The following SCRIB variants were observed in gnomAD, a reference collection of about 807,000 sequenced individuals.
SCRIB encodes scribble planar cell polarity protein, also known as protein scribble homolog.
SCRIB carries 72 observed loss-of-function variants against 170.0 expected under a neutral mutation model. The ratio of observed to expected loss-of-function variants is 0.42; its 90% confidence interval spans 0.35 to 0.52. The LOEUF (loss-of-function observed/expected upper bound fraction) is 0.52. SCRIB is among the 20% of genes least tolerant of loss of function. The probability of loss-of-function intolerance (pLI) is 0.02; values close to 1 mark genes in which losing one functional copy is unlikely to be tolerated. For synonymous variants in SCRIB, 1,298 were observed against 1,044.3 expected (o/e 1.24, Z -4.68); for missense variants, 2,475 against 2,338.5 (o/e 1.06, Z -1.20).
Position 143,791,828 on chromosome 8 carries a change from C to T in SCRIB, c.4695+48G>A, listed in dbSNP as rs548529206. The T allele has an allele frequency of 1.9e-5, 29 of 1,506,006 alleles. 1 individual carries two copies. The highest frequency in any genetic ancestry group is 5.0e-5 in the African/African-American group (3 of 60,282). The allele number at this position is 1,506,006 out of a possible 1,614,324, so 93.3% of individuals were successfully genotyped here. A position where few individuals can be genotyped will look rare whatever the true frequency, so the allele number is the denominator to read the frequency against. Reference sequence around the variant, plus strand: ...GGGGGTGGGGGCAGGCCAGACCCCACCCCCATGCCTCGGGGGTGAAGGGAA... The same window carrying T: ...GGGGGTGGGGGCAGGCCAGACCCCATCCCCATGCCTCGGGGGTGAAGGGAA... On this transcript the variant is annotated intron_variant, in intron 34 of 36. Transcript: ENST00000356994.
intron 24 of SCRIB, among the ~76,000 whole-genome samples, chr8:143,799,936 G>T (rs989880651): frequency 2.0e-5 from 3 of 152,216 alleles, no homozygotes; most frequent in African/African-American, 7.2e-5. Flanking sequence ...AGAACCCAGT[G>T]GGCAAACCGA....
In SCRIB at chr8:143,804,806, G is replaced by A; in HGVS notation, c.2771C>T (p.Thr924Ile). The A allele has an allele frequency of 6.3e-7, 1 of 1,593,458 alleles. No homozygotes were observed. The highest frequency in any genetic ancestry group is 2.3e-5 in the East Asian group (1 of 44,342). The stretch of plus-strand genomic sequence containing the variant: ...GACGGCGTGGTCATGCCTGGCCTCA[G>A]TCACGTCCACTCCATTAATCTGTGA... ...RVLSINGVDV[T>I]EARHDHAVSL... The change falls in exon 21 of 37, where the codon ACT becomes ATT. Residue 924 changes from threonine to isoleucine, a missense_variant. Thr to Ile is a moderately conservative substitution (Grantham distance 89). Around this residue, in one of 3 missense-constraint regions of SCRIB, gnomAD observed 1,966 missense variants for 1,742.9 expected, o/e 1.13. Transcript: ENST00000356994.
At chr8:143,800,372 G>C (rs574707364) in intron 24 of SCRIB, among the ~76,000 whole-genome samples, 6 of 152,316 alleles carry the variant, frequency 3.9e-5, no homozygotes, top group African/African-American at 1.4e-4. Context: ...AGTACAAGAT[G>C]AAAGTCCCTC....
At position 143,815,766 on chromosome 8, in the gene SCRIB, C is replaced by T. The variant is rs1816072390; in HGVS notation, c.-394G>A. On this transcript the variant is annotated 5_prime_UTR_variant, in exon 1 of 37. Coordinates refer to ENST00000356994, the MANE Select transcript of SCRIB (RefSeq NM_182706.5). ...GGCCGCCGCGCAGCCCGTCGGGAAG[C>T]CGAGTCCGGCCCTCGCCGCCTAGCA... The T allele has an allele frequency of 1.0e-6, 1 of 984,268 alleles. No homozygotes were observed. Among genetic ancestry groups the T allele is most frequent in the African/African-American group, 1.8e-5 (1 of 57,080 alleles). The allele number at this position is 984,268 out of a possible 1,614,324, so 61.0% of individuals were successfully genotyped here.
intron 20 of SCRIB, 27 bp from the exon 21 acceptor site, chr8:143,804,852 G>A (rs1554635998): frequency 7.6e-7 from 1 of 1,308,060 alleles, no homozygotes; most frequent in Non-Finnish European, 1.0e-6. Flanking sequence ...GAATCAGGGA[G>A]GCCCAAGGGC....
In SCRIB at chr8:143,792,301, G is replaced by A; in HGVS notation, c.4433C>T (p.Pro1478Leu). 1 of 1,559,214 alleles carries A rather than the reference G, an allele frequency of 6.4e-7. No individual in the cohort carries two copies. Among genetic ancestry groups the A allele is most frequent in the African/African-American group, 1.4e-5 (1 of 74,022 alleles). Residue 1478 changes from proline to leucine, a missense_variant, in exon 32 of 37, where the codon CCA becomes CTA. Pro to Leu is a moderately conservative substitution (Grantham distance 98, BLOSUM62 -3). Coordinates refer to ENST00000356994, the MANE Select transcript of SCRIB (RefSeq NM_182706.5). The stretch of plus-strand genomic sequence containing the variant: ...GGACAGGGCACGCTCGGGTGCCGGT[G>A]GCTCCGGACTCTGCACGCGCAGCCG... The part of the protein sequence containing the change: ...QERLRVQSPE[P>L]PAPERALSPA...
Position 143,812,268 on chromosome 8 carries a change from T to C in SCRIB, c.904A>G (p.Met302Val), listed in dbSNP as rs779628360. The change falls in exon 9 of 37, where the codon ATG becomes GTG. Residue 302 changes from methionine (M) to valine (V), a missense_variant and splice_region_variant. By Grantham distance (21) the Met-to-Val change is conservative (BLOSUM62 1). Around this residue, in one of 3 missense-constraint regions of SCRIB, gnomAD observed 487 missense variants for 558.1 expected, o/e 0.87. Coordinates refer to ENST00000356994, the MANE Select transcript of SCRIB (RefSeq NM_182706.5). ...CTGCCTCCCAAGCCAGACCCTACCATCAGCAGGTTCTCCGTGAGGATCAGC... is the reference window on the plus strand; with the variant it reads ...CTGCCTCCCAAGCCAGACCCTACCACCAGCAGGTTCTCCGTGAGGATCAGC... The part of the protein sequence containing the change: ...SELILTENLL[M>V]ALPRSLGKLT... 38 of 1,596,218 alleles carry C rather than the reference T, an allele frequency of 2.4e-5. 1 individual carries two copies. In the East Asian group the frequency reaches 2.5e-4, roughly 10 times the overall value.
intron 27 of SCRIB, chr8:143,794,315 G>C (rs1311926197): frequency 1.0e-5 from 3 of 295,008 alleles, no homozygotes; most frequent in Admixed American, 8.8e-5. Flanking sequence ...GTGGTGTGCA[G>C]CCCTCAGGGC....
rs575057956 is a variant in SCRIB at position 143,809,789 on chromosome 8, C to T, written c.1531-71G>A. On this transcript the variant is annotated intron_variant, in intron 13 of 36. Coordinates refer to ENST00000356994, the MANE Select transcript of SCRIB (RefSeq NM_182706.5). ...CAGGCTGGCCACCTGGGATGCCCCC[C>T]ACGTGGCAGGCCTTCCCTGAGCTTC... 1.5e-5 allele frequency: 24 copies of T among 1,549,628 alleles called. 1 individual carries two copies. The highest frequency in any genetic ancestry group is 5.7e-5 in the South Asian group (5 of 87,300).
chr8:143,791,490 C>A, intron 35 of SCRIB, 50 bp from the exon 36 acceptor site: 1 of 1,600,178 alleles, frequency 6.2e-7, no homozygotes, highest in African/African-American at 1.3e-5. Flanking sequence ...TGCCCCAAAC[C>A]ACCCAGGTGG....
Position 143,792,564 on chromosome 8 carries a change from C to T in SCRIB, c.4249G>A (p.Ala1417Thr), listed in dbSNP as rs782405853. Residue 1417 changes from alanine to threonine, a missense_variant, in exon 31 of 37, where the codon GCC (alanine) becomes ACC (threonine). Ala to Thr is a moderately conservative substitution (Grantham distance 58, BLOSUM62 0). This residue lies in a region of SCRIB where 1,966 missense variants were observed against 1,742.9 expected (regional missense o/e 1.13). Transcript: ENST00000356994. ...AAEAGAEARLALDGETLGEEE... is the reference protein window; with the variant it reads ...AAEAGAEARLTLDGETLGEEE... Reference sequence around the variant, plus strand: ...TCGCCCAGCGTCTCCCCGTCCAGGGCGAGCCTCGCTTCGGCCCCAGCCTCT... The same window carrying T: ...TCGCCCAGCGTCTCCCCGTCCAGGGTGAGCCTCGCTTCGGCCCCAGCCTCT... 14 of 1,570,700 alleles carry T rather than the reference C, an allele frequency of 8.9e-6. No individual in the cohort carries two copies. Among genetic ancestry groups the T allele is most frequent in the African/African-American group, 2.7e-5 (2 of 74,534 alleles).
chr8:143,809,495 G>A (rs1202861877), intron 14 of SCRIB, 56 bp downstream of exon 14: 26 of 1,564,158 alleles, frequency 1.7e-5, no homozygotes, highest in Non-Finnish European at 2.2e-5. Flanking sequence ...CCCCGCAGGG[G>A]AGGCAGCCCC....
In SCRIB at chr8:143,815,720, C is replaced by A. The variant is rs1816068303; in HGVS notation, c.-348G>T. 2.0e-6 allele frequency: 2 copies of A among 984,012 alleles called. No homozygotes were observed. Among genetic ancestry groups the A allele is most frequent in the Non-Finnish European group, 2.4e-6 (2 of 829,438 alleles). The allele number at this position is 984,012 out of a possible 1,614,324, so 61.0% of individuals were successfully genotyped here. A position where few individuals can be genotyped will look rare whatever the true frequency, so the allele number is the denominator to read the frequency against. ...ACCGGAACCGCCGCTGCCCGCCGGA[C>A]TGCCCCGCCGACACCCACCCGGCCG... On this transcript the variant is annotated 5_prime_UTR_variant, in exon 1 of 37. Transcript: ENST00000356994.
chr8:143,807,335 G>A (rs941041076), intron 16 of SCRIB, among the ~76,000 whole-genome samples: 3 of 152,194 alleles, frequency 2.0e-5, no homozygotes, highest in Non-Finnish European at 4.4e-5. Context: ...AGCACCACAG[G>A]CGGCTGATGG....
intron 27 of SCRIB, 51 bp from the exon 28 acceptor site, chr8:143,794,013 CGACCAGGAGGGACTGGGGGCCCT>C (rs2129998878): frequency 6.4e-7 from 1 of 1,572,128 alleles, no homozygotes; most frequent in East Asian, 2.3e-5. Context: ...CTGTGGCCCC[CGACCAGGAGGGACTGGGGGCCCT>C]GGGGCTTGCC....
chr8:143,794,944 G>T (rs1459790409), intron 27 of SCRIB, 94 bp downstream of exon 27: 12 of 1,296,254 alleles, frequency 9.3e-6, no homozygotes, highest in African/African-American at 4.4e-5. Flanking sequence ...CCGCCCAAAG[G>T]TTCCCTCCCG....
chr8:143,809,705 C>T lies in SCRIB; in HGVS notation c.1544G>A (p.Ser515Asn), dbSNP rs1815617437. The T allele has an allele frequency of 1.2e-6, 2 of 1,609,114 alleles. No homozygotes were observed. Among genetic ancestry groups the T allele is most frequent in the African/African-American group, 2.7e-5 (2 of 75,048 alleles). ...GTCTTCACTCAGGCCAGACTCGGCA[C>T]TCAGCCGCTTCTCCTGCGGCGGGAA... ...PLPAEEEKRL[S>N]AESGLSEDSR... The change falls in exon 14 of 37, where the codon AGT becomes AAT. Residue 515 changes from serine (S) to asparagine (N), a missense_variant. Transcript: ENST00000356994.
intron 31 of SCRIB, 36 bp downstream of exon 31, chr8:143,792,449 G>A (rs1165264308): frequency 6.6e-6 from 10 of 1,512,584 alleles, no homozygotes; most frequent in Middle Eastern, 3.8e-4. Context: ...GGGGCACGTG[G>A]GGTGAGTAGG....
rs142753854 is a variant in SCRIB, at chr8:143,803,584, G to A, written c.3415-13C>T. On this transcript the variant is annotated splice_polypyrimidine_tract_variant and intron_variant, in intron 23 of 36. Transcript: ENST00000356994. ...CCGTGGGGCTCACCTGTGGGGAGACGTGGTATGGGAGAGACCTGTTGGGGG... is the reference window on the plus strand; with the variant it reads ...CCGTGGGGCTCACCTGTGGGGAGACATGGTATGGGAGAGACCTGTTGGGGG... The A allele has an allele frequency of 0.019, 29,702 of 1,591,684 alleles. 353 individuals are homozygous for A. Among genetic ancestry groups the A allele is most frequent in the Non-Finnish European group, 0.023 (26,464 of 1,171,984 alleles).
Sources: allele counts gnomAD v4.1 joint callset (sites outside exome capture counted in the v4.1 genomes callset), GRCh38; gene constraint gnomAD v4.1.1; regional missense constraint gnomAD v4.1.1; transcripts MANE v1.5; gene names NCBI Gene and HGNC (gene_info 2026-07-23, HGNC 2026-07-21).